Variants in KCNT2 observed in about 807,000 individuals in gnomAD.
KCNT2 encodes potassium sodium-activated channel subfamily T member 2, also known as potassium channel subfamily T member 2.
Under a neutral mutation model 153.8 loss-of-function variants are expected in KCNT2, and 67 were observed. The ratio of observed to expected loss-of-function variants is 0.44; its 90% CI spans 0.36 to 0.53. The LOEUF (loss-of-function observed/expected upper bound fraction) is 0.53. Among genes scored for constraint, KCNT2 ranks in the 20% least tolerant of loss-of-function variants. The pLI is 0.00. For synonymous variants in KCNT2, 500 were observed against 458.8 expected, an observed-to-expected ratio of 1.09 and a Z score of -1.15; for missense variants, 975 against 1,354.8, an observed-to-expected ratio of 0.72 and a Z score of 4.40.
chr1:196,377,560 G>A (rs1669079101), intron 13 of KCNT2, among the ~76,000 whole-genome samples: 1 of 151,932 alleles, frequency 6.6e-6, no homozygotes, highest in Non-Finnish European at 1.5e-5. Flanking sequence ...TGGTTGAAAA[G>A]GGCAAGTATA....
intron 22 of KCNT2, among the ~76,000 whole-genome samples, chr1:196,286,721 T>C (rs1306057704): frequency 2.0e-5 from 3 of 151,792 alleles, no homozygotes; most frequent in Non-Finnish European, 2.9e-5. Flanking sequence ...TGTATGAGGG[T>C]TTCTTTTTAA....
intron 26 of KCNT2, among the ~76,000 whole-genome samples, chr1:196,238,341 G>C (rs773724664): frequency 2.6e-5 from 4 of 151,824 alleles, no homozygotes; most frequent in Non-Finnish European, 5.9e-5. Context: ...TTCTGCTTAA[G>C]TAGCCTGTAT....
At chr1:196,295,488 A>G (rs546577872) in intron 22 of KCNT2, among the ~76,000 whole-genome samples, 3 of 151,824 alleles carry the variant, frequency 2.0e-5, no homozygotes, top group South Asian at 4.1e-4. Flanking sequence ...AAAAAAAAAA[A>G]CATTGTAAAA....
chr1:196,305,032 A>G (rs1365368018), intron 22 of KCNT2, among the ~76,000 whole-genome samples: 2 of 152,164 alleles, frequency 1.3e-5, no homozygotes, highest in Admixed American at 1.3e-4. Context: ...TATCTCCATC[A>G]TATTTACCTG....
chr1:196,321,791 G>A (rs1663343235), intron 19 of KCNT2, among the ~76,000 whole-genome samples: 1 of 151,842 alleles, frequency 6.6e-6, no homozygotes, highest in Admixed American at 6.6e-5. Context: ...TTGAAAAAAG[G>A]TGGCTTAAAA....
At chr1:196,571,465 C>A (rs1035543259) in intron 1 of KCNT2, among the ~76,000 whole-genome samples, 3 of 151,988 alleles carry the variant, frequency 2.0e-5, no homozygotes, top group Admixed American at 2.0e-4. Context: ...TATAAGAAGC[C>A]CTTTCATGTG....
chr1:196,550,818 ATGAT>A (rs1329427695), intron 1 of KCNT2, among the ~76,000 whole-genome samples: 1 of 151,802 alleles, frequency 6.6e-6, no homozygotes, highest in African/African-American at 2.4e-5. Flanking sequence ...AGGGTAAAAA[ATGAT>A]ACCAGGAAGC....
At chr1:196,284,775 A>T (rs995065425) in intron 23 of KCNT2, among the ~76,000 whole-genome samples, 2 of 152,146 alleles carry the variant, frequency 1.3e-5, no homozygotes, top group African/African-American at 4.8e-5. Context: ...ATGGTTCCTG[A>T]CGTTGCTAGA....
chr1:196,484,530 T>C (rs1191772149), intron 3 of KCNT2, among the ~76,000 whole-genome samples: 4 of 152,180 alleles, frequency 2.6e-5, no homozygotes, highest in Non-Finnish European at 5.9e-5. Context: ...TTTAGTTTAA[T>C]AAGATCCTGT....
chr1:196,535,696 A>G (rs1655462860), intron 1 of KCNT2, among the ~76,000 whole-genome samples: 2 of 152,300 alleles, frequency 1.3e-5, no homozygotes, highest in Admixed American at 1.3e-4. Context: ...AATCATAGAC[A>G]GTTTCATCAC....
chr1:196,562,456 A>T (rs2148926507), intron 1 of KCNT2, among the ~76,000 whole-genome samples: 1 of 152,034 alleles, frequency 6.6e-6, no homozygotes, highest in South Asian at 2.1e-4. Context: ...CTTGGCCAAG[A>T]GGAGGGGTCC....
rs763821949 is a variant in KCNT2, at chr1:196,316,033, T to C, written c.2349-7A>G. The C allele has an allele frequency of 1.2e-6, 2 of 1,608,358 alleles. No homozygotes were observed. The highest frequency in any genetic ancestry group is 1.1e-5 in the South Asian group (1 of 90,700). The stretch of plus-strand genomic sequence containing the variant: ...CCTGAGTAAGTCATCTAGGCTTTGA[T>C]AAAAATCAACAGAGAAAAACAAACA... On this transcript the variant is annotated splice_region_variant and splice_polypyrimidine_tract_variant and intron_variant, in intron 20 of 27. Coordinates refer to ENST00000294725, the MANE Select transcript of KCNT2 (RefSeq NM_198503.5).
At chr1:196,334,831 G>C (rs1664857097) in intron 16 of KCNT2, among the ~76,000 whole-genome samples, 1 of 151,942 alleles carries the variant, frequency 6.6e-6, no homozygotes, top group Admixed American at 6.6e-5. Flanking sequence ...GCAGGGAGAG[G>C]AATGGAATTT....
intron 1 of KCNT2, among the ~76,000 whole-genome samples, chr1:196,523,772 G>T (rs1653812925): frequency 6.6e-6 from 1 of 152,156 alleles, no homozygotes; most frequent in African/African-American, 2.4e-5. Flanking sequence ...GTGAAAATAA[G>T]CGATTCAAAT....
chr1:196,502,464 C>T (rs946994348), intron 1 of KCNT2, among the ~76,000 whole-genome samples: 3 of 152,220 alleles, frequency 2.0e-5, no homozygotes, highest in Non-Finnish European at 4.4e-5. Flanking sequence ...CACATATATG[C>T]ATGTGTTTAT....
chr1:196,420,370 G>A (rs1673100222), intron 12 of KCNT2, among the ~76,000 whole-genome samples: 1 of 151,622 alleles, frequency 6.6e-6, no homozygotes, highest in Non-Finnish European at 1.5e-5. Flanking sequence ...TTTTGTGTAT[G>A]GTTTTTGTTT....
intron 14 of KCNT2, among the ~76,000 whole-genome samples, chr1:196,358,467 G>A (rs1266363565): frequency 1.3e-5 from 2 of 151,700 alleles, no homozygotes; most frequent in Non-Finnish European, 2.9e-5. Context: ...AAATATTTAA[G>A]CCTGTGGAAA....
intron 22 of KCNT2, among the ~76,000 whole-genome samples, chr1:196,297,261 A>G (rs1180038202): frequency 1.3e-5 from 2 of 152,130 alleles, no homozygotes; most frequent in African/African-American, 2.4e-5. Flanking sequence ...TCATAAAATT[A>G]CCACATTCTA....
At chr1:196,561,188 T>C (rs1199557162) in intron 1 of KCNT2, among the ~76,000 whole-genome samples, 1 of 151,782 alleles carries the variant, frequency 6.6e-6, no homozygotes, top group Non-Finnish European at 1.5e-5. Context: ...CCACGACTTA[T>C]ACATATATCA....
Sources: allele counts gnomAD v4.1 joint callset (sites outside exome capture counted in the v4.1 genomes callset), GRCh38; gene constraint gnomAD v4.1.1; transcripts MANE v1.5; gene names NCBI Gene and HGNC (gene_info 2026-07-23, HGNC 2026-07-21).